MOB3A: variants seen among roughly 807,000 people sequenced by gnomAD.
MOB3A encodes MOB LAK.
In MOB3A, 17 loss-of-function variants were observed where a neutral mutation model predicts 17.8. That is an observed-to-expected ratio of 0.95 (90% CI 0.65 to 1.43). The LOEUF (loss-of-function observed/expected upper bound fraction) is 1.43, where lower values mean the gene tolerates loss of function less well. MOB3A is among the 40% of genes most tolerant of loss of function. MOB3A has a pLI of 0.00. For synonymous variants in MOB3A, 124 were observed against 133.2 expected, an observed-to-expected ratio of 0.93 and a Z score of 0.48; for missense variants, 333 against 310.8, an observed-to-expected ratio of 1.07 and a Z score of -0.54.
chr19:2,076,837 T>A lies in MOB3A; in HGVS notation c.598A>T (p.Ile200Phe). The change falls in exon 4 of 5, where the codon ATC becomes TTC. Residue 200 changes from isoleucine to phenylalanine, a missense_variant. Ile to Phe is a conservative substitution (Grantham distance 21). Coordinates refer to ENST00000357066, the MANE Select transcript of MOB3A (RefSeq NM_130807.3). The part of the protein sequence containing the change: ...FYYFVKEFGL[I>F]DTKELEPLKE... ...AGTGGCTCCAGCTCCTTGGTGTCGA[T>A]GAGGCCGAACTCCTTGACGAAATAG... 1 of 1,614,002 alleles carries A rather than the reference T, an allele frequency of 6.2e-7. No individual in the cohort carries two copies. Among genetic ancestry groups the A allele is most frequent in the Non-Finnish European group, 8.5e-7 (1 of 1,180,014 alleles).
At chr19:2,077,456 G>A (rs922778742) in intron 3 of MOB3A, among the ~76,000 whole-genome samples, 20 of 152,144 alleles carry the variant, frequency 1.3e-4, no homozygotes, top group African/African-American at 4.1e-4. Context: ...CTGGAGGGAC[G>A]TGCCCTAATG....
Position 2,078,168 on chromosome 19 carries a change from G to T in MOB3A, c.393C>A (p.Asn131Lys). 6.3e-7 allele frequency: 1 copy of T among 1,588,976 alleles called. No individual in the cohort carries two copies. The highest frequency in any genetic ancestry group is 8.6e-7 in the Non-Finnish European group (1 of 1,162,020). Reference protein sequence around the residue: ...LLMDWIEAQINNEDLFPTNVG... With the variant: ...LLMDWIEAQIKNEDLFPTNVG... Reference sequence around the variant, plus strand: ...CGTTGGTGGGGAAGAGGTCCTCGTTGTTGATCTGCGCCTCGATCCAGTCCA... The same window carrying T: ...CGTTGGTGGGGAAGAGGTCCTCGTTTTTGATCTGCGCCTCGATCCAGTCCA... The change falls in exon 3 of 5, where the codon AAC (asparagine) becomes AAA (lysine). Residue 131 changes from asparagine (N) to lysine (K), a missense_variant. Asn to Lys is a moderately conservative substitution (Grantham distance 94, BLOSUM62 0). Transcript: ENST00000357066.
At chr19:2,091,809 C>T (rs917794486) in intron 1 of MOB3A, among the ~76,000 whole-genome samples, 2 of 150,932 alleles carry the variant, frequency 1.3e-5, no homozygotes, top group African/African-American at 4.9e-5. Context: ...CTGGCCTGGC[C>T]GAGATGGTGA....
chr19:2,089,956 A>G (rs1330195707), intron 1 of MOB3A: 1 of 150,306 alleles, frequency 6.7e-6, no homozygotes, highest in Non-Finnish European at 1.5e-5. Context: ...ACTGCCCCGT[A>G]TTTCCAAGTC....
At chr19:2,076,711 C>A in intron 4 of MOB3A, 100 bp downstream of exon 4, 3 of 1,271,116 alleles carry the variant, frequency 2.4e-6, no homozygotes, top group Admixed American at 2.0e-5. Context: ...AGCTGCTGGG[C>A]CGACCGCAAG....
At chr19:2,084,631 C>T (rs534586409) in intron 2 of MOB3A, among the ~76,000 whole-genome samples, 2 of 151,824 alleles carry the variant, frequency 1.3e-5, no homozygotes, top group East Asian at 3.9e-4. Flanking sequence ...TACTCTGTCG[C>T]CCAGGCTGGA....
chr19:2,079,329 G>A (rs2017457339), intron 2 of MOB3A, among the ~76,000 whole-genome samples: 2 of 152,226 alleles, frequency 1.3e-5, no homozygotes, highest in South Asian at 4.1e-4. Flanking sequence ...GCCGGACTAC[G>A]GCCTCCACAA....
In MOB3A at chr19:2,078,418, G is replaced by A; in HGVS notation, c.143C>T (p.Ala48Val). 6.2e-7 allele frequency: 1 copy of A among 1,613,930 alleles called. No individual in the cohort carries two copies. Among genetic ancestry groups the A allele is most frequent in the Non-Finnish European group, 8.5e-7 (1 of 1,179,928 alleles). ...GTCCTCGCCCGGGGGCAACTGCACG[G>A]CCAGCCGCAGGTCCAGCCCGGCGTT... ...SLNAGLDLRLAVQLPPGEDLN... is the reference protein window; with the variant it reads ...SLNAGLDLRLVVQLPPGEDLN... Residue 48 changes from alanine to valine, a missense_variant, in exon 3 of 5, where the codon GCC (alanine) becomes GTC (valine). Ala to Val is a moderately conservative substitution (Grantham distance 64). Coordinates refer to ENST00000357066, the MANE Select transcript of MOB3A (RefSeq NM_130807.3).
chr19:2,090,155 C>G (rs1225132834), intron 1 of MOB3A: 2 of 152,296 alleles, frequency 1.3e-5, no homozygotes, highest in Non-Finnish European at 2.9e-5. Context: ...CATCTGCAGC[C>G]CGGCAGAGCT....
intron 1 of MOB3A, among the ~76,000 whole-genome samples, chr19:2,086,281 C>G (rs950360556): frequency 6.6e-6 from 1 of 152,006 alleles, no homozygotes; most frequent in Non-Finnish European, 1.5e-5. Context: ...CTCAAGTGAT[C>G]TGCCCACCTC....
chr19:2,077,998 T>C (rs193211017), intron 3 of MOB3A, 142 bp downstream of exon 3: 86 of 844,432 alleles, frequency 1.0e-4, no homozygotes, highest in Non-Finnish European at 1.5e-4. Context: ...TTGCCCAGGC[T>C]GAGCTCAAAC....
intron 1 of MOB3A, among the ~76,000 whole-genome samples, chr19:2,094,855 C>G (rs892845067): frequency 3.9e-5 from 6 of 152,186 alleles, no homozygotes; most frequent in Non-Finnish European, 5.9e-5. Flanking sequence ...AAGGAGAAAA[C>G]GAAGAAAAAA....
chr19:2,092,677 G>A (rs2017626845), intron 1 of MOB3A, among the ~76,000 whole-genome samples: 1 of 146,252 alleles, frequency 6.8e-6, no homozygotes, highest in African/African-American at 2.6e-5. Flanking sequence ...AGAATCTCTT[G>A]AGCTCAGGAG....
intron 1 of MOB3A, among the ~76,000 whole-genome samples, chr19:2,092,082 GTT>G (rs1219970948): frequency 2.2e-4 from 26 of 118,868 alleles, no homozygotes; most frequent in Admixed American, 6.1e-4. Context: ...GGAAGGAAAG[GTT>G]TTTTTTTTTT....
intron 2 of MOB3A, among the ~76,000 whole-genome samples, chr19:2,083,929 C>T (rs180886242): frequency 6.6e-6 from 1 of 152,074 alleles, no homozygotes; most frequent in Non-Finnish European, 1.5e-5. Flanking sequence ...CCACAGGCCC[C>T]CGCTTGTCTT....
Position 2,071,635 on chromosome 19 carries a change from G to C in MOB3A, c.*1760C>G, listed in dbSNP as rs2017338283. ...AGAGGAGGTGGCTGCCTTTTCTCAG[G>C]GCCCTGCTCTCACCTTCCAAAGGTC... is the stretch of plus-strand genomic sequence containing the variant. On this transcript the variant is annotated 3_prime_UTR_variant, in exon 5 of 5. Coordinates refer to ENST00000357066, the MANE Select transcript of MOB3A (RefSeq NM_130807.3). 1 of 152,206 alleles carries C rather than the reference G, an allele frequency of 6.6e-6. No homozygotes were observed. The highest frequency in any genetic ancestry group is 2.4e-5 in the African/African-American group (1 of 41,402). 9.4% of individuals were successfully genotyped at this position (152,206 alleles called of 1,614,324 possible).
Position 2,082,638 on chromosome 19 carries a change from C to T in MOB3A, c.-120+2537G>A, listed in dbSNP as rs1470931600. 6.6e-6 allele frequency among the ~76,000 whole-genome samples: 1 copy of T among 152,184 alleles called. No homozygotes were observed. ...AGCAACTCTCAGGGATGCAGGCAGCCGTCTGATCACAAGCCTAGTGACACA... is the reference window on the plus strand; with the variant it reads ...AGCAACTCTCAGGGATGCAGGCAGCTGTCTGATCACAAGCCTAGTGACACA... On this transcript the variant is annotated intron_variant, in intron 2 of 4. Transcript: ENST00000357066. The surrounding 1 kb of genome is among the most constrained non-coding windows in gnomAD (Gnocchi z 4.1).
chr19:2,074,509 G>C (rs2017379334), intron 4 of MOB3A, among the ~76,000 whole-genome samples: 6 of 151,856 alleles, frequency 4.0e-5, no homozygotes, highest in Admixed American at 3.9e-4. Context: ...AGCAAAGCCT[G>C]AAAGGGGATG....
chr19:2,072,776 A>G lies in MOB3A; in HGVS notation c.*619T>C, dbSNP rs2017354598. 6.6e-6 allele frequency: 1 copy of G among 151,616 alleles called. No homozygotes were observed. The highest frequency in any genetic ancestry group is 1.5e-5 in the Non-Finnish European group (1 of 67,942). 9.4% of individuals were successfully genotyped at this position (151,616 alleles called of 1,614,324 possible). ...AAAAAAAAATCTGTAGAAAAATGGA[A>G]GAGATTGGGGAGGGAGGAAAGAGGC... On this transcript the variant is annotated 3_prime_UTR_variant, in exon 5 of 5. Transcript: ENST00000357066.
Sources: allele counts gnomAD v4.1 joint callset (sites outside exome capture counted in the v4.1 genomes callset), GRCh38; gene constraint gnomAD v4.1.1; non-coding constraint Gnocchi (gnomAD v3.1); transcripts MANE v1.5; gene names NCBI Gene and HGNC (gene_info 2026-07-23, HGNC 2026-07-21).